CCDC138: variants seen among roughly 807,000 people sequenced by gnomAD.
CCDC138 encodes coiled-coil domain containing 138, also known as coiled-coil domain-containing protein 138.
CCDC138 carries 66 observed loss-of-function variants against 82.3 expected under a neutral mutation model. The ratio of observed to expected loss-of-function variants is 0.80; its 90% confidence interval spans 0.66 to 0.98. The LOEUF is 0.98. Among genes scored for constraint, CCDC138 ranks in the 50% least tolerant of loss-of-function variants. The probability of loss-of-function intolerance (pLI) is 0.00; values close to 1 mark genes in which losing one functional copy is unlikely to be tolerated. For synonymous variants in CCDC138, 297 were observed against 265.4 expected (o/e 1.12, Z -1.16); for missense variants, 816 against 758.9 (o/e 1.08, Z -0.88).
intron 13 of CCDC138, among the ~76,000 whole-genome samples, chr2:108,867,130 T>C (rs1694540256): frequency 6.6e-6 from 1 of 152,116 alleles, no homozygotes; most frequent in Non-Finnish European, 1.5e-5. Context: ...TATATATGTA[T>C]AATTTATATA....
At chr2:108,848,578 C>A (rs1312884759) in intron 12 of CCDC138, among the ~76,000 whole-genome samples, 1 of 152,122 alleles carries the variant, frequency 6.6e-6, no homozygotes, top group Non-Finnish European at 1.5e-5. Context: ...ATAAGATGTC[C>A]CATATGGCTT....
intron 6 of CCDC138, among the ~76,000 whole-genome samples, chr2:108,804,473 T>C (rs1370013754): frequency 6.6e-6 from 1 of 152,210 alleles, no homozygotes; most frequent in Non-Finnish European, 1.5e-5. Context: ...ATTTCTTTCA[T>C]TTCTCAAAGG....
chr2:108,854,627 AACC>A (rs2104568818), intron 12 of CCDC138, among the ~76,000 whole-genome samples: 1 of 152,268 alleles, frequency 6.6e-6, no homozygotes, highest in East Asian at 1.9e-4. Flanking sequence ...GGCTTAGCTC[AACC>A]ACCATTTTAT....
intron 12 of CCDC138, among the ~76,000 whole-genome samples, chr2:108,848,489 T>G (rs1690875791): frequency 6.6e-6 from 1 of 152,236 alleles, no homozygotes; most frequent in Non-Finnish European, 1.5e-5. Flanking sequence ...AATAGGTTGA[T>G]GAAGATTATT....
chr2:108,825,549 A>G lies in CCDC138; in HGVS notation c.1206+9444A>G, dbSNP rs181063656. ...TTTTCCTATCTGGACTTTTCATATA[A>G]ACAGATTCGTACAATACGTAGTGTT... On this transcript the variant is annotated intron_variant, in intron 10 of 14. Transcript: ENST00000295124. Among the ~76,000 whole-genome samples the G allele has an allele frequency of 1.8e-3, 275 of 152,204 alleles. 3 individuals are homozygous for G. The highest frequency in any genetic ancestry group is 2.4e-3 in the Non-Finnish European group (165 of 67,990).
At chr2:108,842,888 C>T (rs200473912) in intron 11 of CCDC138, among the ~76,000 whole-genome samples, 235 of 152,240 alleles carry the variant, frequency 1.5e-3, no homozygotes, top group Non-Finnish European at 2.7e-3. Context: ...GTCATTTTAC[C>T]GGTTTGAATA....
At position 108,856,986 on chromosome 2, in the gene CCDC138, C is replaced by G; in HGVS notation, c.1693+16C>G. On this transcript the variant is annotated intron_variant, in intron 13 of 14. Transcript: ENST00000295124. ...GTGGAATCTAGTAAGTTTTTAAGTT[C>G]TATATGTGTAAAGAAAGCAGGATGA... The G allele has an allele frequency of 7.8e-7, 1 of 1,283,110 alleles. No individual in the cohort carries two copies. The highest frequency in any genetic ancestry group is 1.0e-6 in the Non-Finnish European group (1 of 954,406). 79.5% of individuals were successfully genotyped at this position (1,283,110 alleles called of 1,614,324 possible).
At chr2:108,803,237 G>C (rs1682266242) in intron 6 of CCDC138, among the ~76,000 whole-genome samples, 1 of 152,150 alleles carries the variant, frequency 6.6e-6, no homozygotes, top group African/African-American at 2.4e-5. Flanking sequence ...GTGCCCGCCT[G>C]AGCGGCTCAA....
chr2:108,877,674 C>A (rs1328612644), downstream of CCDC138, among the ~76,000 whole-genome samples: 1 of 152,102 alleles, frequency 6.6e-6, no homozygotes, highest in Non-Finnish European at 1.5e-5. Context: ...CATTTGGTGT[C>A]TCTGAAGAAA....
chr2:108,858,459 C>T (rs955367764), intron 13 of CCDC138, among the ~76,000 whole-genome samples: 6 of 152,158 alleles, frequency 3.9e-5, no homozygotes, highest in South Asian at 2.1e-4. Context: ...TTTAGTGATG[C>T]GAAAATTTTG....
Position 108,798,527 on chromosome 2 carries a change from T to G in CCDC138, c.676T>G (p.Leu226Val). ...EQLLFRHENA[L>V]SKIKGVEEEV... ...ACTGCTTTTCAGACATGAAAATGCC[T>G]TGAGTAAAATTAAAGGTGTTGAAGA... Residue 226 changes from leucine (L) to valine (V), a missense_variant, in exon 6 of 15, where the codon TTG (leucine) becomes GTG (valine). By Grantham distance (32) the Leu-to-Val change is conservative. Transcript: ENST00000295124. 1 of 1,614,004 alleles carries G rather than the reference T, an allele frequency of 6.2e-7. No individual in the cohort carries two copies. Among genetic ancestry groups the G allele is most frequent in the Non-Finnish European group, 8.5e-7 (1 of 1,179,920 alleles).
chr2:108,820,839 G>C (rs1470912691), intron 10 of CCDC138, among the ~76,000 whole-genome samples: 2 of 152,000 alleles, frequency 1.3e-5, no homozygotes, highest in Non-Finnish European at 2.9e-5. Context: ...AATTACTAAA[G>C]AGAGTCCTTC....
At position 108,788,884 on chromosome 2, in the gene CCDC138, G is replaced by A. The variant is rs769969108; in HGVS notation, c.184G>A (p.Gly62Ser). 8.7e-6 allele frequency: 14 copies of A among 1,613,588 alleles called. No individual in the cohort carries two copies. The highest frequency in any genetic ancestry group is 8.5e-6 in the Non-Finnish European group (10 of 1,179,608). ...GGATATCTACTCTGGAGATAAAGTT[G>A]GTTCATCGTTAAAATATTCTGATGA... ...DLDIYSGDKVGSSLKYSDESK... is the reference protein window; with the variant it reads ...DLDIYSGDKVSSSLKYSDESK... Residue 62 changes from glycine (G) to serine (S), a missense_variant, in exon 3 of 15, where the codon GGT (glycine) becomes AGT (serine). Transcript: ENST00000295124.
At chr2:108,790,097 A>G (rs138990991) in intron 3 of CCDC138, among the ~76,000 whole-genome samples, 168 of 152,270 alleles carry the variant, frequency 1.1e-3, no homozygotes, top group African/African-American at 3.7e-3. Context: ...AATCTGTGTA[A>G]CACACTTTGA....
chr2:108,813,106 A>G (rs1168565475), intron 9 of CCDC138, among the ~76,000 whole-genome samples, 179 bp downstream of exon 9: 1 of 151,854 alleles, frequency 6.6e-6, no homozygotes, highest in African/African-American at 2.4e-5. Flanking sequence ...AAAATTAGCC[A>G]GGCATGGTGG....
intron 10 of CCDC138, among the ~76,000 whole-genome samples, chr2:108,823,266 G>A (rs897364943): frequency 6.6e-6 from 1 of 152,160 alleles, no homozygotes; most frequent in Non-Finnish European, 1.5e-5. Flanking sequence ...TTGAAAGGGA[G>A]GTAACACTTC....
intron 2 of CCDC138, chr2:108,884,556 G>A (rs1696376864): frequency 6.6e-6 from 1 of 152,206 alleles, no homozygotes; most frequent in Admixed American, 6.5e-5. Flanking sequence ...GTTTTTGCTT[G>A]TTTCTTTGTG....
chr2:108,798,847 ACACAC>A (rs1398698188), intron 6 of CCDC138, among the ~76,000 whole-genome samples: 3 of 148,728 alleles, frequency 2.0e-5, no homozygotes, highest in Non-Finnish European at 4.4e-5. Flanking sequence ...ACACACACAC[ACACAC>A]ATTTTTTCTG....
At chr2:108,878,347 G>A (rs1696172612), downstream of CCDC138, 1 of 203,252 alleles carries the variant, frequency 4.9e-6, no homozygotes, top group South Asian at 9.5e-5. Context: ...GTGATTTCAG[G>A]CCAAGAAACA....
Sources: allele counts gnomAD v4.1 joint callset (sites outside exome capture counted in the v4.1 genomes callset), GRCh38; gene constraint gnomAD v4.1.1; transcripts MANE v1.5; gene names NCBI Gene and HGNC (gene_info 2026-07-23, HGNC 2026-07-21).